OLFM1: variants seen among roughly 807,000 people sequenced by gnomAD.
OLFM1 encodes the protein olfactomedin 1, also known as noelin.
In OLFM1, 9 loss-of-function variants were observed where a neutral mutation model predicts 49.7. That is an observed-to-expected ratio of 0.18 (90% CI 0.11 to 0.32). The LOEUF (loss-of-function observed/expected upper bound fraction) is 0.32. OLFM1 is among the 10% of genes least tolerant of loss of function. The pLI is 1.00. For missense variants in OLFM1, 369 were observed against 661.8 expected (o/e 0.56, Z 4.85); for synonymous variants, 240 against 271.8 (o/e 0.88, Z 1.15).
At chr9:135,078,231 G>A (rs73664041) in intron 1 of OLFM1, among the ~76,000 whole-genome samples, 3,219 of 152,264 alleles carry the variant, frequency 0.021, 110 homozygotes, top group African/African-American at 0.067. Flanking sequence ...TCTGCCTCCC[G>A]CTTCCACTGT....
chr9:135,101,817 G>A (rs1045266897), intron 4 of OLFM1, among the ~76,000 whole-genome samples: 6 of 152,234 alleles, frequency 3.9e-5, no homozygotes, highest in African/African-American at 9.6e-5. Context: ...CTCCCGGGGC[G>A]TGGCATGTGC....
chr9:135,107,251 T>A (rs185635708), intron 5 of OLFM1, among the ~76,000 whole-genome samples: 361 of 152,348 alleles, frequency 2.4e-3, no homozygotes, highest in African/African-American at 8.4e-3. Context: ...AGGAAGAGAA[T>A]TCATTAGGCC....
chr9:135,100,921 AT>A (rs397893643), intron 4 of OLFM1, among the ~76,000 whole-genome samples: 7 of 45,086 alleles, frequency 1.6e-4, no homozygotes, highest in Non-Finnish European at 4.2e-4. Context: ...TAGATAAATG[AT>A]TGATTGATTG....
intron 4 of OLFM1, among the ~76,000 whole-genome samples, chr9:135,101,309 G>T (rs1381256718): frequency 6.6e-6 from 1 of 152,164 alleles, no homozygotes; most frequent in African/African-American, 2.4e-5. Flanking sequence ...AAGTGTGACT[G>T]CAGGTTCCAT....
Position 135,120,923 on chromosome 9 carries a change from A to G in OLFM1, c.*745A>G, listed in dbSNP as rs561487803. On this transcript the variant is annotated 3_prime_UTR_variant, in exon 6 of 6. Transcript: ENST00000371793. ...TGGTTTTTGTTTCTAAAAAGAAAAA[A>G]AAAATCAGTGTTCACCCTTATAGAG... 6.6e-6 allele frequency: 1 copy of G among 152,652 alleles called. No individual in the cohort carries two copies. Among genetic ancestry groups the G allele is most frequent in the Non-Finnish European group, 1.5e-5 (1 of 68,060 alleles). The allele number at this position is 152,652 out of a possible 1,614,324, so 9.5% of individuals were successfully genotyped here. A position where few individuals can be genotyped will look rare whatever the true frequency, so the allele number is the denominator to read the frequency against.
At chr9:135,089,069 C>G (rs944092509) in intron 1 of OLFM1, among the ~76,000 whole-genome samples, 1 of 152,190 alleles carries the variant, frequency 6.6e-6, no homozygotes, top group Non-Finnish European at 1.5e-5. Context: ...CCCTCCCTCT[C>G]TCTTTTTGCT....
At chr9:135,089,012 G>A (rs942748928) in intron 1 of OLFM1, among the ~76,000 whole-genome samples, 3 of 152,214 alleles carry the variant, frequency 2.0e-5, no homozygotes, top group South Asian at 2.1e-4. Context: ...GCGCGCCCCA[G>A]ACCACTGGCC....
chr9:135,099,185 G>A (rs1052181047), intron 4 of OLFM1, among the ~76,000 whole-genome samples: 37 of 152,178 alleles, frequency 2.4e-4, no homozygotes, highest in African/African-American at 8.9e-4. Context: ...CTTTTAAATA[G>A]CACATTTCAA....
chr9:135,083,676 T>C (rs1351384018), upstream of OLFM1, among the ~76,000 whole-genome samples: 1 of 152,200 alleles, frequency 6.6e-6, no homozygotes, highest in Non-Finnish European at 1.5e-5. Flanking sequence ...CCAAGCACAG[T>C]GGCTCATGAT....
upstream of OLFM1, chr9:135,087,156 C>G (rs1830608320): frequency 1.9e-5 from 24 of 1,283,026 alleles, 1 homozygote; most frequent in South Asian, 3.8e-4. Flanking sequence ...CACCGATGCC[C>G]CGACGCCCCC....
intron 5 of OLFM1, among the ~76,000 whole-genome samples, chr9:135,108,124 G>C (rs1830971520): frequency 1.3e-5 from 2 of 152,222 alleles, no homozygotes; most frequent in African/African-American, 4.8e-5. Flanking sequence ...TTGGGTGTTT[G>C]TCAGGGAGGT....
At position 135,120,173 on chromosome 9, in the gene OLFM1, T is replaced by C. The variant is rs2119150165; in HGVS notation, c.1453T>C (p.Leu485=). The C allele has an allele frequency of 1.2e-6, 2 of 1,605,412 alleles. No homozygotes were observed. Among genetic ancestry groups the C allele is most frequent in the East Asian group, 4.5e-5 (2 of 44,794 alleles). Residue 485 remains leucine (L), a synonymous_variant, in exon 6 of 6, where the codon TTG becomes CTG. Transcript: ENST00000371793. ...TLFHVIRSDE[L] is the part of the protein sequence containing the mutation. Reference sequence around the variant, plus strand: ...CTTCCACGTCATCCGCTCCGACGAGTTGTAGCTCCCTCCTCCTGGAAGCCA... The same window carrying C: ...CTTCCACGTCATCCGCTCCGACGAGCTGTAGCTCCCTCCTCCTGGAAGCCA...
At chr9:135,087,656 C>T (rs1346948118), upstream of OLFM1, 10 of 524,222 alleles carry the variant, frequency 1.9e-5, no homozygotes, top group Non-Finnish European at 2.5e-5. Context: ...GCGCGCAGCC[C>T]GCGCAGCGCT....
chr9:135,077,570 AG>A (rs1217713059), intron 1 of OLFM1, among the ~76,000 whole-genome samples: 1 of 152,126 alleles, frequency 6.6e-6, no homozygotes, highest in Non-Finnish European at 1.5e-5. Context: ...CCTTAGAGTC[AG>A]GGCCCAGCCA....
chr9:135,084,731 T>C (rs949233832), upstream of OLFM1, among the ~76,000 whole-genome samples: 2 of 152,290 alleles, frequency 1.3e-5, no homozygotes, highest in Non-Finnish European at 2.9e-5. This position sits in a 1 kb window ranked among gnomAD's most constrained non-coding sequence, Gnocchi z 4.6. Flanking sequence ...ACTTTGTCCC[T>C]TGAGGGCATC....
chr9:135,087,267 C>T (rs1426672765), upstream of OLFM1: 7 of 1,458,056 alleles, frequency 4.8e-6, no homozygotes, highest in East Asian at 5.4e-5. Context: ...CTCGAATCAC[C>T]GCGGAAAAGG....
chr9:135,107,889 TTC>T (rs143849207), intron 5 of OLFM1, among the ~76,000 whole-genome samples: 649 of 152,296 alleles, frequency 4.3e-3, no homozygotes, highest in African/African-American at 0.015. Context: ...GCCTCCCTCC[TTC>T]ACCATTGCCA....
At chr9:135,087,583 C>T, upstream of OLFM1, 1 of 983,946 alleles carries the variant, frequency 1.0e-6, no homozygotes, top group Non-Finnish European at 1.4e-6. Flanking sequence ...AAAATCCACC[C>T]ATTTCCTGGG....
Position 135,113,682 on chromosome 9 carries a change from C to T in OLFM1, c.784-5822C>T, listed in dbSNP as rs1222489659. Among the ~76,000 whole-genome samples, 1 of 152,232 alleles carries T rather than the reference C, an allele frequency of 6.6e-6. No individual in the cohort carries two copies. The highest frequency in any genetic ancestry group is 1.5e-5 in the Non-Finnish European group (1 of 68,042). Reference sequence around the variant, plus strand: ...GGAGGCCAGAAAGCTTTGGCAGACCCACGGTGTGCCCTGAGCTGAGTGGGG... The same window carrying T: ...GGAGGCCAGAAAGCTTTGGCAGACCTACGGTGTGCCCTGAGCTGAGTGGGG... On this transcript the variant is annotated intron_variant, in intron 5 of 5. Coordinates refer to ENST00000371793, the MANE Select transcript of OLFM1 (RefSeq NM_001282611.2). This position sits in a 1 kb window ranked among gnomAD's most constrained non-coding sequence, Gnocchi z 4.0.
Sources: allele counts gnomAD v4.1 joint callset (sites outside exome capture counted in the v4.1 genomes callset), GRCh38; gene constraint gnomAD v4.1.1; non-coding constraint Gnocchi (gnomAD v3.1); transcripts MANE v1.5; gene names NCBI Gene and HGNC (gene_info 2026-07-23, HGNC 2026-07-21).